The following NUP214 variants were observed in gnomAD, a reference collection of about 807,000 sequenced individuals.
The protein encoded by NUP214 is nuclear pore complex protein Nup214.
In NUP214, 79 loss-of-function variants were observed where a neutral mutation model predicts 196.2. The observed-to-expected ratio is 0.40, with a 90% CI of 0.34 to 0.49. The LOEUF (loss-of-function observed/expected upper bound fraction) is 0.49, where lower values mean the gene tolerates loss of function less well. Ranked by LOEUF, NUP214 falls within the 20% of genes least tolerant of loss-of-function variation. The probability of loss-of-function intolerance (pLI) is 0.58; values close to 1 mark genes in which losing one functional copy is unlikely to be tolerated. For synonymous variants in NUP214, 1,020 were observed against 990.5 expected (o/e 1.03, Z -0.56); for missense variants, 2,468 against 2,539.0 (o/e 0.97, Z 0.60).
At chr9:131,202,870 T>C (rs1378983805) in intron 30 of NUP214, among the ~76,000 whole-genome samples, 1 of 151,992 alleles carries the variant, frequency 6.6e-6, no homozygotes, top group African/African-American at 2.4e-5. Context: ...TGTTTGATTT[T>C]ATGTAGCTAG....
chr9:131,133,091 A>G lies in NUP214; in HGVS notation c.728-15A>G. On this transcript the variant is annotated splice_polypyrimidine_tract_variant and intron_variant, in intron 6 of 35. Transcript: ENST00000359428. ...TGTCATTTTTATGAGCTACTGATTA[A>G]GATGTGTCTTTCAGTTCTGGATGTG... 1.9e-6 allele frequency: 3 copies of G among 1,591,084 alleles called. No homozygotes were observed. The highest frequency in any genetic ancestry group is 2.2e-5 in the South Asian group (2 of 90,328).
chr9:131,132,459 C>T, intron 5 of NUP214, 137 bp from the exon 6 acceptor site: 1 of 729,014 alleles, frequency 1.4e-6, no homozygotes, highest in Non-Finnish European at 2.3e-6. Flanking sequence ...GTAGATAGCA[C>T]TATTCTGTTT....
At chr9:131,171,267 A>C (rs1313013887) in intron 21 of NUP214, among the ~76,000 whole-genome samples, 1 of 152,214 alleles carries the variant, frequency 6.6e-6, no homozygotes, top group Non-Finnish European at 1.5e-5. Context: ...AGAAAGGTGA[A>C]GGAAGGAACT....
Position 131,130,754 on chromosome 9 carries a change from G to A in NUP214, c.593-12G>A, listed in dbSNP as rs769501959. 6.2e-7 allele frequency: 1 copy of A among 1,613,644 alleles called. No homozygotes were observed. Among genetic ancestry groups the A allele is most frequent in the South Asian group, 1.1e-5 (1 of 91,056 alleles). ...TTTCTTGTTTTCATTTGGTAATACTGTCTTTGCTCAGTGTGCTGGAGCCCC... is the reference window on the plus strand; with the variant it reads ...TTTCTTGTTTTCATTTGGTAATACTATCTTTGCTCAGTGTGCTGGAGCCCC... On this transcript the variant is annotated splice_polypyrimidine_tract_variant and intron_variant, in intron 4 of 35. Transcript: ENST00000359428.
intron 30 of NUP214, among the ~76,000 whole-genome samples, chr9:131,205,252 A>G (rs1160927219): frequency 1.3e-5 from 2 of 152,220 alleles, no homozygotes; most frequent in African/African-American, 4.8e-5. Flanking sequence ...TGTAACCAAC[A>G]GTGTAATTGT....
At chr9:131,226,089 A>G (rs995804894) in intron 32 of NUP214, among the ~76,000 whole-genome samples, 2 of 152,154 alleles carry the variant, frequency 1.3e-5, no homozygotes, top group African/African-American at 4.8e-5. Context: ...TCTAGCACCC[A>G]TCAGCTGGCT....
At chr9:131,208,218 C>G (rs1834136770) in intron 30 of NUP214, among the ~76,000 whole-genome samples, 1 of 152,106 alleles carries the variant, frequency 6.6e-6, no homozygotes, top group Admixed American at 6.5e-5. Flanking sequence ...CAATTCTGCT[C>G]TGGGGTAGAA....
At chr9:131,143,513 C>T (rs1223707362) in intron 11 of NUP214, among the ~76,000 whole-genome samples, 4 of 152,068 alleles carry the variant, frequency 2.6e-5, no homozygotes, top group African/African-American at 4.8e-5. Context: ...TTGTTTTACC[C>T]ATCCAAACAT....
rs1221999200 is a variant in NUP214 at position 131,125,880 on chromosome 9, C to G, written c.45+131C>G. 9.7e-7 allele frequency: 1 copy of G among 1,031,932 alleles called. No individual in the cohort carries two copies. Among genetic ancestry groups the G allele is most frequent in the Non-Finnish European group, 1.4e-6 (1 of 709,100 alleles). The allele number at this position is 1,031,932 out of a possible 1,614,324, so 63.9% of individuals were successfully genotyped here. A position where few individuals can be genotyped will look rare whatever the true frequency, so the allele number is the denominator to read the frequency against. ...CAGTTTACCGCGTTCACAGCTCTCACCAGCGCGTCTGCCGCGCCGCTGGCG... is the reference window on the plus strand; with the variant it reads ...CAGTTTACCGCGTTCACAGCTCTCAGCAGCGCGTCTGCCGCGCCGCTGGCG... On this transcript the variant is annotated intron_variant, in intron 1 of 35. Coordinates refer to ENST00000359428, the MANE Select transcript of NUP214 (RefSeq NM_005085.4). The surrounding 1 kb of genome is among the most constrained non-coding windows in gnomAD (Gnocchi z 4.1).
At chr9:131,210,727 C>T (rs887068288) in intron 30 of NUP214, among the ~76,000 whole-genome samples, 1 of 151,454 alleles carries the variant, frequency 6.6e-6, no homozygotes, top group African/African-American at 2.4e-5. Flanking sequence ...GTGAATACTA[C>T]AAAAGAACAG....
intron 31 of NUP214, among the ~76,000 whole-genome samples, chr9:131,216,718 G>A (rs971476434): frequency 4.0e-5 from 6 of 151,036 alleles, no homozygotes; most frequent in African/African-American, 1.5e-4. Context: ...GTAGAGACGG[G>A]GTTTTACCAT....
At chr9:131,208,724 A>C (rs972244704) in intron 30 of NUP214, among the ~76,000 whole-genome samples, 1 of 149,196 alleles carries the variant, frequency 6.7e-6, no homozygotes, top group African/African-American at 2.5e-5. Flanking sequence ...AAACAAAAGG[A>C]ATGAAGTTCT....
At chr9:131,202,294 T>C (rs1204925427) in intron 30 of NUP214, among the ~76,000 whole-genome samples, 1 of 152,184 alleles carries the variant, frequency 6.6e-6, no homozygotes, top group African/African-American at 2.4e-5. Context: ...CTAAATACAC[T>C]GTTTGGCTTT....
Position 131,128,241 on chromosome 9 carries a change from G to A in NUP214, c.242-91G>A, listed in dbSNP as rs1588119247. On this transcript the variant is annotated intron_variant, in intron 2 of 35. Coordinates refer to ENST00000359428, the MANE Select transcript of NUP214 (RefSeq NM_005085.4). ...GGGGTGTATGTGTGTTTATGTAGAT[G>A]CAAAAATTTTTTCACATCGAACTGG... The A allele has an allele frequency of 2.4e-6, 3 of 1,242,846 alleles. No individual in the cohort carries two copies. In the East Asian group the frequency reaches 7.1e-5, roughly 30 times the overall value. 77.0% of individuals were successfully genotyped at this position (1,242,846 alleles called of 1,614,324 possible). A position where few individuals can be genotyped will look rare whatever the true frequency, so the allele number is the denominator to read the frequency against.
In NUP214 at chr9:131,230,702, G is replaced by A; in HGVS notation, c.6147G>A (p.Leu2049=). 1.2e-6 allele frequency: 2 copies of A among 1,614,106 alleles called. No homozygotes were observed. The highest frequency in any genetic ancestry group is 1.7e-6 in the Non-Finnish European group (2 of 1,180,018). ...ASQNAPTFGS[L]SQQTSGFGTQ... ...AGAATGCCCCCACTTTCGGATCACT[G>A]TCCCAACAGACTTCTGGTTTTGGGA... is the stretch of plus-strand genomic sequence containing the variant. Residue 2049 remains leucine, a synonymous_variant, in exon 34 of 36, where the codon CTG becomes CTA. Coordinates refer to ENST00000359428, the MANE Select transcript of NUP214 (RefSeq NM_005085.4).
chr9:131,202,602 T>C (rs1188032741), intron 30 of NUP214, among the ~76,000 whole-genome samples: 2 of 150,908 alleles, frequency 1.3e-5, no homozygotes, highest in Non-Finnish European at 3.0e-5. Context: ...TTTTTTTTTC[T>C]TTTTGTGTTT....
chr9:131,181,285 GAAGA>G (rs1481472636), intron 24 of NUP214, among the ~76,000 whole-genome samples: 3 of 152,162 alleles, frequency 2.0e-5, no homozygotes, highest in Non-Finnish European at 4.4e-5. Flanking sequence ...GGAACAAGAG[GAAGA>G]ATGCTGGGGG....
At chr9:131,164,349 T>A in intron 21 of NUP214, 1 of 574,620 alleles carries the variant, frequency 1.7e-6, no homozygotes. Flanking sequence ...AAGAACCAGC[T>A]TATATATACT....
chr9:131,221,021 AGCACTAAC>A (rs1834541269), intron 31 of NUP214, among the ~76,000 whole-genome samples: 1 of 152,196 alleles, frequency 6.6e-6, no homozygotes, highest in Non-Finnish European at 1.5e-5. Context: ...TTGCATTGCT[AGCACTAAC>A]AAAGTGCAAA....
Sources: gnomAD v4.1 joint callset for allele counts (sites outside exome capture counted in the v4.1 genomes callset) on GRCh38, gnomAD v4.1.1 for gene constraint, Gnocchi (gnomAD v3.1) non-coding constraint, MANE v1.5 for transcripts, NCBI Gene and HGNC (gene_info 2026-07-23, HGNC 2026-07-21) for gene names.